The following PIEZO2 variants were observed in gnomAD, a reference collection of about 807,000 sequenced individuals.
PIEZO2 encodes piezo type mechanosensitive ion channel component 2.
Under a neutral mutation model 337.3 loss-of-function variants are expected in PIEZO2, and 172 were observed. That is an observed-to-expected ratio of 0.51 (90% CI 0.45 to 0.58). The LOEUF is 0.58. Among genes scored for constraint, PIEZO2 ranks in the 20% least tolerant of loss-of-function variants. PIEZO2 has a pLI of 0.00. For missense variants in PIEZO2, 3,028 were observed against 3,391.3 expected, an observed-to-expected ratio of 0.89 and a Z score of 2.66; for synonymous variants, 1,251 against 1,228.5, an observed-to-expected ratio of 1.02 and a Z score of -0.38.
At chr18:10,898,768 A>G (rs1220179607) in intron 4 of PIEZO2, among the ~76,000 whole-genome samples, 1 of 152,214 alleles carries the variant, frequency 6.6e-6, no homozygotes, top group Non-Finnish European at 1.5e-5. Context: ...GTCTGTAGAA[A>G]GGAGAAGTGA....
chr18:10,763,143 G>T, intron 21 of PIEZO2, 45 bp from the exon 22 acceptor site: 1 of 1,511,628 alleles, frequency 6.6e-7, no homozygotes, highest in African/African-American at 1.4e-5. Flanking sequence ...ACGTAACACG[G>T]CATAACAAAC....
intron 7 of PIEZO2, among the ~76,000 whole-genome samples, chr18:10,841,823 T>A (rs2041201766): frequency 1.3e-5 from 2 of 151,910 alleles, no homozygotes; most frequent in South Asian, 2.1e-4. Context: ...ACTCCACTTA[T>A]TTTTTTTACA....
At position 10,767,910 on chromosome 18, in the gene PIEZO2, G is replaced by A. The variant is rs529933465; in HGVS notation, c.2946+2238C>T. Among the ~76,000 whole-genome samples, 57 of 152,292 alleles carry A rather than the reference G, an allele frequency of 3.7e-4. No homozygotes were observed. The highest frequency in any genetic ancestry group is 1.0e-3 in the African/African-American group (43 of 41,570). ...CAGGAGGGCAAGGGCAGGTTTACCCGCCAGTTGCCAGCCCAGAGCGTGAGG... is the reference window on the plus strand; with the variant it reads ...CAGGAGGGCAAGGGCAGGTTTACCCACCAGTTGCCAGCCCAGAGCGTGAGG... On this transcript the variant is annotated intron_variant, in intron 21 of 55. Coordinates refer to ENST00000674853, the MANE Select transcript of PIEZO2 (RefSeq NM_001378183.1). The surrounding 1 kb of genome is among the most constrained non-coding windows in gnomAD (Gnocchi z 4.2).
In PIEZO2 at chr18:10,819,635, A is replaced by G. The variant is rs561143007; in HGVS notation, c.918-12361T>C. 5.9e-5 allele frequency among the ~76,000 whole-genome samples: 9 copies of G among 152,328 alleles called. No homozygotes were observed. Among genetic ancestry groups the G allele is most frequent in the Admixed American group, 5.2e-4 (8 of 15,296 alleles). On this transcript the variant is annotated intron_variant, in intron 7 of 55. Transcript: ENST00000674853. This position sits in a 1 kb window ranked among gnomAD's most constrained non-coding sequence, Gnocchi z 4.3. ...AGGTGTTTTCTCAATGTTGTTCTCA[A>G]TGCATCATCGGTGTTCACCTTCATG... is the stretch of plus-strand genomic sequence containing the variant.
At chr18:10,968,695 T>A (rs2034114040) in intron 3 of PIEZO2, among the ~76,000 whole-genome samples, 1 of 151,316 alleles carries the variant, frequency 6.6e-6, no homozygotes, top group Non-Finnish European at 1.5e-5. Flanking sequence ...AAGAAAATAC[T>A]TTTTTCAAAA....
intron 4 of PIEZO2, among the ~76,000 whole-genome samples, chr18:10,891,403 G>A (rs946514659): frequency 1.3e-5 from 2 of 152,222 alleles, no homozygotes; most frequent in Non-Finnish European, 1.5e-5. Flanking sequence ...TAAGGCAGTT[G>A]TGTAGGGAAC....
chr18:10,835,212 A>T (rs1485859191), intron 7 of PIEZO2, among the ~76,000 whole-genome samples: 1 of 151,914 alleles, frequency 6.6e-6, no homozygotes, highest in Non-Finnish European at 1.5e-5. Context: ...CCTACAGTAT[A>T]TTATTATAAC....
intron 32 of PIEZO2, among the ~76,000 whole-genome samples, chr18:10,741,337 C>T (rs1422841020): frequency 1.3e-5 from 2 of 152,166 alleles, no homozygotes; most frequent in African/African-American, 4.8e-5. Flanking sequence ...TTCTTAGTGA[C>T]TGAGGGCATA....
Position 10,763,013 on chromosome 18 carries a change from C to T in PIEZO2, c.3032G>A (p.Cys1011Tyr). Residue 1011 changes from cysteine (C) to tyrosine (Y), a missense_variant, in exon 22 of 56, where the codon TGC (cysteine) becomes TAC (tyrosine). Coordinates refer to ENST00000674853, the MANE Select transcript of PIEZO2 (RefSeq NM_001378183.1). ...AKLRRLASSV[C>Y]TVWTCVIIVC... ...GATGATCACACACGTCCAGACTGTG[C>T]AGACACTTGAAGCCAGACGGCGCAG... 1 of 1,537,326 alleles carries T rather than the reference C, an allele frequency of 6.5e-7. No individual in the cohort carries two copies.
chr18:11,004,662 G>T (rs937570729), intron 2 of PIEZO2, among the ~76,000 whole-genome samples: 4 of 152,182 alleles, frequency 2.6e-5, no homozygotes, highest in Non-Finnish European at 5.9e-5. Context: ...AGATTCTTTT[G>T]TGAAGAAATG....
At chr18:11,017,380 C>T (rs931628176) in intron 2 of PIEZO2, among the ~76,000 whole-genome samples, 1 of 151,870 alleles carries the variant, frequency 6.6e-6, no homozygotes, top group Non-Finnish European at 1.5e-5. Context: ...TTTTTTAATA[C>T]TCTAAATAAC....
At position 10,821,661 on chromosome 18, in the gene PIEZO2, A is replaced by G. The variant is rs527609417; in HGVS notation, c.918-14387T>C. 6.7e-4 allele frequency among the ~76,000 whole-genome samples: 102 copies of G among 152,268 alleles called. No individual in the cohort carries two copies. The highest frequency in any genetic ancestry group is 2.5e-3 in the African/African-American group (102 of 41,562). Reference sequence around the variant, plus strand: ...TTGCTGGAACCAGGAAATATGAGTCAAGTATCACCCCCACCCACCACCACC... The same window carrying G: ...TTGCTGGAACCAGGAAATATGAGTCGAGTATCACCCCCACCCACCACCACC... On this transcript the variant is annotated intron_variant, in intron 7 of 55. Coordinates refer to ENST00000674853, the MANE Select transcript of PIEZO2 (RefSeq NM_001378183.1). The surrounding 1 kb of genome is among the most constrained non-coding windows in gnomAD (Gnocchi z 4.2).
rs1436486603 is a variant in PIEZO2 at position 10,718,227 on chromosome 18, G to T, written c.5062C>A (p.Pro1688Thr). 1 of 1,536,818 alleles carries T rather than the reference G, an allele frequency of 6.5e-7. No homozygotes were observed. Among genetic ancestry groups the T allele is most frequent in the Non-Finnish European group, 8.7e-7 (1 of 1,146,726 alleles). Reference protein sequence around the residue: ...PVEWEDREDEPIKKKSDGPDN... With the variant: ...PVEWEDREDETIKKKSDGPDN... The stretch of plus-strand genomic sequence containing the variant: ...GGTCCATCGGATTTCTTTTTGATTG[G>T]TTCATCCTCCCGGTCTTCCCATTCC... Residue 1688 changes from proline to threonine, a missense_variant, in exon 37 of 56, where the codon CCA becomes ACA. Physicochemically the swap from Pro to Thr is conservative, Grantham distance 38 (BLOSUM62 -1). Transcript: ENST00000674853.
intron 1 of PIEZO2, among the ~76,000 whole-genome samples, chr18:11,086,350 C>G (rs1045305078): frequency 6.6e-6 from 1 of 151,992 alleles, no homozygotes; most frequent in Non-Finnish European, 1.5e-5. Flanking sequence ...GAAACCCCGT[C>G]TCGACTAAAA....
At chr18:11,117,342 G>A (rs1219453783) in intron 1 of PIEZO2, among the ~76,000 whole-genome samples, 4 of 152,060 alleles carry the variant, frequency 2.6e-5, no homozygotes, top group African/African-American at 7.2e-5. Flanking sequence ...TTCACAATTC[G>A]ATTTGTAAAT....
intron 1 of PIEZO2, among the ~76,000 whole-genome samples, chr18:11,107,739 C>T (rs2039611827): frequency 6.6e-6 from 1 of 152,096 alleles, no homozygotes; most frequent in African/African-American, 2.4e-5. Flanking sequence ...TTTAATAAAT[C>T]ATAAGGTAAT....
intron 10 of PIEZO2, 96 bp downstream of exon 10, chr18:10,801,294 A>G: frequency 9.0e-7 from 1 of 1,110,332 alleles, no homozygotes; most frequent in Non-Finnish European, 1.3e-6. Flanking sequence ...TGGAAATTTT[A>G]ATAGATCATT....
intron 7 of PIEZO2, among the ~76,000 whole-genome samples, chr18:10,816,472 C>T (rs2040366894): frequency 6.6e-6 from 1 of 152,134 alleles, no homozygotes; most frequent in South Asian, 2.1e-4. Flanking sequence ...AACTATCAAT[C>T]AGGAATGTTT....
At chr18:10,906,571 T>G (rs1008489586) in intron 4 of PIEZO2, among the ~76,000 whole-genome samples, 5 of 152,158 alleles carry the variant, frequency 3.3e-5, no homozygotes, top group African/African-American at 7.2e-5. Flanking sequence ...AGAACTTTTT[T>G]TTTTTTTGAG....
Sources: gnomAD v4.1 joint callset for allele counts (sites outside exome capture counted in the v4.1 genomes callset) on GRCh38, gnomAD v4.1.1 for gene constraint, Gnocchi (gnomAD v3.1) non-coding constraint, MANE v1.5 for transcripts, NCBI Gene and HGNC (gene_info 2026-07-23, HGNC 2026-07-21) for gene names.